Variants in TIAM2 observed in about 807,000 individuals in gnomAD.
The protein encoded by TIAM2 is TIAM Rac1 associated GEF 2.
Under a neutral mutation model 152.9 loss-of-function variants are expected in TIAM2, and 80 were observed. That is an observed-to-expected ratio of 0.52 (90% confidence interval 0.44 to 0.63). TIAM2 has a LOEUF of 0.63. Among genes scored for constraint, TIAM2 ranks in the 30% least tolerant of loss-of-function variants. The probability of loss-of-function intolerance (pLI) is 0.00; values close to 1 mark genes in which losing one functional copy is unlikely to be tolerated. For missense variants in TIAM2, 1,965 were observed against 2,120.1 expected, an observed-to-expected ratio of 0.93 and a Z score of 1.44; for synonymous variants, 804 against 838.0, an observed-to-expected ratio of 0.96 and a Z score of 0.70.
intron 2 of TIAM2, among the ~76,000 whole-genome samples, chr6:155,125,441 C>G (rs140063311): frequency 6.6e-6 from 1 of 152,224 alleles, no homozygotes; most frequent in African/African-American, 2.4e-5. Context: ...CAGAAAATAA[C>G]AAGCATGGGT....
At chr6:155,196,510 T>G (rs1781350405) in intron 14 of TIAM2, among the ~76,000 whole-genome samples, 1 of 152,186 alleles carries the variant, frequency 6.6e-6, no homozygotes, top group Non-Finnish European at 1.5e-5. Flanking sequence ...CGGGAGTTAC[T>G]CAATGATTGG....
At chr6:155,197,765 C>T (rs1391689975) in intron 14 of TIAM2, among the ~76,000 whole-genome samples, 1 of 152,056 alleles carries the variant, frequency 6.6e-6, no homozygotes, top group East Asian at 1.9e-4. Flanking sequence ...CATCAGATCT[C>T]GTTTGAACTC....
chr6:155,109,541 A>G (rs1416872345), intron 2 of TIAM2, among the ~76,000 whole-genome samples: 7 of 152,246 alleles, frequency 4.6e-5, no homozygotes, highest in African/African-American at 1.7e-4. Context: ...AATTCTATTA[A>G]CAGGGTGGAA....
At chr6:155,182,099 G>A in intron 12 of TIAM2, 127 bp from the exon 13 acceptor site, 1 of 718,570 alleles carries the variant, frequency 1.4e-6, no homozygotes, top group Non-Finnish European at 2.4e-6. Context: ...CAAAATAGCT[G>A]TAATTTCGAC....
intron 15 of TIAM2, among the ~76,000 whole-genome samples, chr6:155,222,629 A>AC (rs759471363): frequency 0.02 from 1,755 of 87,444 alleles, 30 homozygotes; most frequent in Non-Finnish European, 0.024. Context: ...AAAAAAAAAA[A>AC]CACAAAAAAA....
At chr6:155,043,659 G>GAAAA (rs1178145153) in intron 1 of TIAM2, among the ~76,000 whole-genome samples, 20 of 139,836 alleles carry the variant, frequency 1.4e-4, no homozygotes, top group South Asian at 4.4e-4. Flanking sequence ...AAAAAAAAAG[G>GAAAA]ATCTGTAAGG....
At position 155,129,936 on chromosome 6, in the gene TIAM2, G is replaced by T. The variant is rs200642695; in HGVS notation, c.713G>T (p.Ser238Ile). ...PSPTDSRLRS[S>I]KGSSLSSESS... ...CCCACGGACTCTCGCCTGCGGTCCA[G>T]CAAAGGCAGCTCCCTGAGTTCTGAG... is the stretch of plus-strand genomic sequence containing the variant. The change falls in exon 4 of 27, where the codon AGC (serine) becomes ATC (isoleucine). Residue 238 changes from serine to isoleucine, a missense_variant. Transcript: ENST00000682666. The surrounding 1 kb of genome is among the most constrained non-coding windows in gnomAD (Gnocchi z 4.8). 6.2e-7 allele frequency: 1 copy of T among 1,614,004 alleles called. No homozygotes were observed. The highest frequency in any genetic ancestry group is 1.3e-5 in the African/African-American group (1 of 75,050).
rs774667028 is a variant in TIAM2 at position 155,165,312 on chromosome 6, C to A, written c.2264C>A (p.Thr755Asn). ...CTCCGGAAAAGGACACTGTCACTGACCCAGCGAGGGAGAAACAAGAAGGGA... is the reference window on the plus strand; with the variant it reads ...CTCCGGAAAAGGACACTGTCACTGAACCAGCGAGGGAGAAACAAGAAGGGA... ...SALRKRTLSL[T>N]QRGRNKKGIF... Residue 755 changes from threonine (T) to asparagine (N), a missense_variant, in exon 9 of 27, where the codon ACC becomes AAC. Around this residue, in one of 3 missense-constraint regions of TIAM2, gnomAD observed 1,025 missense variants for 1,119.4 expected, o/e 0.92. Coordinates refer to ENST00000682666, the MANE Select transcript of TIAM2 (RefSeq NM_012454.4). 3 of 1,613,932 alleles carry A rather than the reference C, an allele frequency of 1.9e-6. No individual in the cohort carries two copies. The African/African-American group carries it at 4.0e-5, about 22-fold the overall frequency.
At chr6:155,158,281 C>T (rs996556677) in intron 7 of TIAM2, among the ~76,000 whole-genome samples, 1 of 152,226 alleles carries the variant, frequency 6.6e-6, no homozygotes, top group Non-Finnish European at 1.5e-5. Flanking sequence ...CTTCATCCCT[C>T]TCCCTCCCAC....
intron 14 of TIAM2, among the ~76,000 whole-genome samples, chr6:155,200,955 C>G (rs762423884): frequency 1.3e-4 from 20 of 151,968 alleles, no homozygotes; most frequent in Non-Finnish European, 2.5e-4. Flanking sequence ...AAAAAGAAGT[C>G]ACTCCTTATC....
intron 15 of TIAM2, among the ~76,000 whole-genome samples, chr6:155,215,406 G>T (rs993376689): frequency 6.6e-6 from 1 of 152,110 alleles, no homozygotes; most frequent in African/African-American, 2.4e-5. Context: ...GAACACAGAA[G>T]AAAAAATTTT....
intron 7 of TIAM2, among the ~76,000 whole-genome samples, chr6:155,152,056 C>T (rs1779984233): frequency 6.6e-6 from 1 of 151,940 alleles, no homozygotes; most frequent in Non-Finnish European, 1.5e-5. Flanking sequence ...GTTGGTCAGG[C>T]TGGTCTCGAA....
Position 155,174,617 on chromosome 6 carries a change from C to T in TIAM2, c.2362-2199C>T, listed in dbSNP as rs1411526438. ...CTCATGACCTTAGGTGATCCACTGG[C>T]CTCGGCCTCCCAAAGTGCTGGAATT... On this transcript the variant is annotated intron_variant, in intron 9 of 26. Transcript: ENST00000682666. This position sits in a 1 kb window ranked among gnomAD's most constrained non-coding sequence, Gnocchi z 4.2. 1.3e-5 allele frequency among the ~76,000 whole-genome samples: 2 copies of T among 152,190 alleles called. No individual in the cohort carries two copies. Among genetic ancestry groups the T allele is most frequent in the Admixed American group, 6.5e-5 (1 of 15,286 alleles).
chr6:155,250,454 T>C, intron 21 of TIAM2: 1 of 1,141,286 alleles, frequency 8.8e-7, no homozygotes, highest in Non-Finnish European at 1.2e-6. Context: ...TAGCATAGTT[T>C]AGGGAGAAAA....
intron 1 of TIAM2, among the ~76,000 whole-genome samples, chr6:155,057,131 C>T (rs1253598173): frequency 4.1e-5 from 6 of 145,200 alleles, no homozygotes; most frequent in African/African-American, 1.5e-4. Context: ...CAGGTTCAAG[C>T]GACCCTCTTA....
intron 14 of TIAM2, among the ~76,000 whole-genome samples, chr6:155,202,658 C>G (rs9480084): frequency 1.3e-5 from 2 of 149,488 alleles, no homozygotes; most frequent in Non-Finnish European, 3.0e-5. Flanking sequence ...GAACTCCTGA[C>G]CGCAAGCAAT....
At chr6:155,110,362 T>C (rs939055199) in intron 2 of TIAM2, among the ~76,000 whole-genome samples, 2 of 150,030 alleles carry the variant, frequency 1.3e-5, no homozygotes, top group Non-Finnish European at 1.5e-5. Flanking sequence ...TACTTACCTG[T>C]TTACCAAACG....
At chr6:155,154,908 G>A (rs1202240565) in intron 7 of TIAM2, among the ~76,000 whole-genome samples, 1 of 152,184 alleles carries the variant, frequency 6.6e-6, no homozygotes, top group Non-Finnish European at 1.5e-5. Flanking sequence ...TGGACAATTG[G>A]CAACTGGTGA....
At chr6:155,204,349 G>GGCATT (rs1426621444) in intron 14 of TIAM2, among the ~76,000 whole-genome samples, 1 of 152,052 alleles carries the variant, frequency 6.6e-6, no homozygotes, top group Non-Finnish European at 1.5e-5. Flanking sequence ...AAGACACACT[G>GGCATT]GCATTGGTCT....
Sources: allele counts gnomAD v4.1 joint callset (sites outside exome capture counted in the v4.1 genomes callset), GRCh38; gene constraint gnomAD v4.1.1; regional missense constraint gnomAD v4.1.1; non-coding constraint Gnocchi (gnomAD v3.1); transcripts MANE v1.5; gene names NCBI Gene and HGNC (gene_info 2026-07-23, HGNC 2026-07-21).